Variants in KLRG1 observed in about 807,000 individuals in gnomAD.
The protein encoded by KLRG1 is killer cell lectin like receptor G1, also known as killer cell lectin-like receptor subfamily G member 1.
Under a neutral mutation model 21.8 loss-of-function variants are expected in KLRG1, and 16 were observed. The observed-to-expected ratio is 0.73, with a 90% CI of 0.50 to 1.11. KLRG1 has a LOEUF of 1.11. KLRG1 is among the 50% of genes most tolerant of loss of function. The probability of loss-of-function intolerance (pLI) is 0.00; values close to 1 mark genes in which losing one functional copy is unlikely to be tolerated. For synonymous variants in KLRG1, 69 were observed against 75.9 expected (o/e 0.91, Z 0.47); for missense variants, 173 against 218.3 (o/e 0.79, Z 1.31).
chr12:8,992,748 G>A lies in KLRG1; in HGVS notation c.187+438G>A, dbSNP rs982290195. ...TAAAGACATTTCACCATGTTGCCCAGGCTGATCTCAAACTCCTGGGCTCAA... is the reference window on the plus strand; with the variant it reads ...TAAAGACATTTCACCATGTTGCCCAAGCTGATCTCAAACTCCTGGGCTCAA... On this transcript the variant is annotated intron_variant, in intron 2 of 4. Transcript: ENST00000356986. Among the ~76,000 whole-genome samples, 3 of 151,812 alleles carry A rather than the reference G, an allele frequency of 2.0e-5. No individual in the cohort carries two copies. In the South Asian group the frequency reaches 6.3e-4, roughly 32 times the overall value.
At chr12:9,131,745 T>G in the KLRG1 span, among the ~76,000 whole-genome samples, 1 of 151,636 alleles carries the variant, frequency 6.6e-6, no homozygotes, top group Non-Finnish European at 1.5e-5. Context: ...TGTATGCTTA[T>G]ATAAATATCA....
At chr12:9,163,893 T>TA in the KLRG1 span, 496 of 1,371,340 alleles carry the variant, frequency 3.6e-4, no homozygotes, top group African/African-American at 8.5e-4. Context: ...AAAATAAGGC[T>TA]AAAAAAAAAG....
the KLRG1 span, among the ~76,000 whole-genome samples, chr12:9,063,937 T>TAA: frequency 1.4e-4 from 21 of 152,192 alleles, no homozygotes; most frequent in African/African-American, 4.8e-4. Flanking sequence ...ACCTTTTCAG[T>TAA]AACGATTTCC....
At chr12:9,193,028 C>T in the KLRG1 span, among the ~76,000 whole-genome samples, 1 of 152,148 alleles carries the variant, frequency 6.6e-6, no homozygotes, top group Non-Finnish European at 1.5e-5. Flanking sequence ...TGATAAATAA[C>T]TCAAACAAGT....
At chr12:9,076,636 A>G in the KLRG1 span, 2 of 857,452 alleles carry the variant, frequency 2.3e-6, no homozygotes. Context: ...CAAAATATAT[A>G]TGATATATAG....
chr12:9,176,476 T>G, the KLRG1 span, among the ~76,000 whole-genome samples: 2,975 of 151,754 alleles, frequency 0.02, 91 homozygotes, highest in African/African-American at 0.066. Context: ...AAGAAAGAAA[T>G]AAATAAATAA....
At chr12:9,062,216 T>C in the KLRG1 span, among the ~76,000 whole-genome samples, 1 of 128,352 alleles carries the variant, frequency 7.8e-6, no homozygotes, top group Non-Finnish European at 1.6e-5. Flanking sequence ...GTATAAAAAA[T>C]CACCTGACAC....
At chr12:9,048,589 A>G in the KLRG1 span, among the ~76,000 whole-genome samples, 6 of 152,262 alleles carry the variant, frequency 3.9e-5, no homozygotes, top group South Asian at 4.1e-4. Flanking sequence ...TCCATCACAT[A>G]TAACAGGCTA....
At chr12:9,077,803 G>T in the KLRG1 span, 1 of 1,614,152 alleles carries the variant, frequency 6.2e-7, no homozygotes, top group East Asian at 2.2e-5. Context: ...GTGCTTCATC[G>T]ATGAAGATGT....
At chr12:9,057,835 C>A in the KLRG1 span, 6 of 152,284 alleles carry the variant, frequency 3.9e-5, no homozygotes, top group East Asian at 7.7e-4. Flanking sequence ...AGGATTCATT[C>A]TCTAATTCAT....
chr12:9,192,014 C>T, the KLRG1 span, among the ~76,000 whole-genome samples: 1 of 152,158 alleles, frequency 6.6e-6, no homozygotes, highest in African/African-American at 2.4e-5. Flanking sequence ...TAGACAATCA[C>T]ATTTATCTGT....
the KLRG1 span, among the ~76,000 whole-genome samples, chr12:9,050,076 G>A: frequency 2.6e-5 from 4 of 152,144 alleles, no homozygotes; most frequent in African/African-American, 9.7e-5. Context: ...ATCTTCGTAG[G>A]AAGCTGAACC....
intron 1 of KLRG1, among the ~76,000 whole-genome samples, chr12:8,966,948 A>G (rs1592241940): frequency 6.8e-6 from 1 of 147,402 alleles, no homozygotes; most frequent in African/African-American, 2.5e-5. Context: ...ATGTCCAACA[A>G]TGATAGACTG....
the KLRG1 span, among the ~76,000 whole-genome samples, chr12:9,142,842 C>G: frequency 3.2e-3 from 487 of 152,236 alleles, 4 homozygotes; most frequent in African/African-American, 0.011. Context: ...GGTTCCACAA[C>G]GAAAACAAAG....
the KLRG1 span, chr12:9,153,403 C>T: frequency 2.1e-6 from 3 of 1,441,768 alleles, no homozygotes; most frequent in Non-Finnish European, 2.9e-6. Flanking sequence ...TGGGATTTTC[C>T]CCCAAAGTCT....
chr12:9,099,976 T>C, the KLRG1 span, among the ~76,000 whole-genome samples: 3 of 152,234 alleles, frequency 2.0e-5, no homozygotes, highest in African/African-American at 7.2e-5. Flanking sequence ...TGTAGATTCT[T>C]TAGAGGTTGC....
the KLRG1 span, chr12:9,159,886 T>C: frequency 6.9e-7 from 1 of 1,453,730 alleles, no homozygotes. Flanking sequence ...AGGTAATCTA[T>C]GTGCACGTTC....
chr12:9,153,427 A>G, the KLRG1 span: 2 of 1,149,818 alleles, frequency 1.7e-6, no homozygotes, highest in Admixed American at 4.2e-5. Flanking sequence ...TTAGCCTACC[A>G]TGAGGGAAGC....
chr12:9,112,668 T>G, the KLRG1 span: 2 of 959,864 alleles, frequency 2.1e-6, no homozygotes, highest in African/African-American at 3.3e-5. Flanking sequence ...GCAGGGAAAG[T>G]TGGCATGGAC....
Sources: gnomAD v4.1 joint callset for allele counts (sites outside exome capture counted in the v4.1 genomes callset) on GRCh38, gnomAD v4.1.1 for gene constraint, MANE v1.5 for transcripts, NCBI Gene and HGNC (gene_info 2026-07-23, HGNC 2026-07-21) for gene names.